Variants in GPC5 observed in about 807,000 individuals in gnomAD.
The protein encoded by GPC5 is glypican-5.
A neutral mutation model predicts 53.9 loss-of-function variants in GPC5; 47 were observed. The observed-to-expected ratio is 0.87, with a 90% CI of 0.69 to 1.11. The LOEUF is 1.11. Ranked by LOEUF, GPC5 falls within the 50% of genes most tolerant of loss-of-function variation. The pLI, the probability that GPC5 is intolerant of heterozygous loss-of-function variation, is 0.00. For synonymous variants in GPC5, 286 were observed against 263.3 expected (o/e 1.09, Z -0.84); for missense variants, 748 against 713.1 (o/e 1.05, Z -0.56).
At chr13:92,181,518 G>A (rs552861467) in intron 7 of GPC5, among the ~76,000 whole-genome samples, 1 of 152,184 alleles carries the variant, frequency 6.6e-6, no homozygotes, top group Non-Finnish European at 1.5e-5. Flanking sequence ...TCTTCAGATA[G>A]TACAATTTTG....
At chr13:92,144,591 G>A in intron 6 of GPC5, among the ~76,000 whole-genome samples, 1 of 152,120 alleles carries the variant, frequency 6.6e-6, no homozygotes, top group Middle Eastern at 3.2e-3. Flanking sequence ...GCTTCCCAAA[G>A]AATCATCCAA....
At chr13:91,464,141 C>T (rs1045737445) in intron 2 of GPC5, among the ~76,000 whole-genome samples, 6 of 152,068 alleles carry the variant, frequency 3.9e-5, no homozygotes, top group African/African-American at 1.2e-4. Context: ...TATGCAACAT[C>T]TAGCTTTCCT....
At chr13:91,597,555 G>A (rs1338909508) in intron 2 of GPC5, among the ~76,000 whole-genome samples, 1 of 152,076 alleles carries the variant, frequency 6.6e-6, no homozygotes, top group South Asian at 2.1e-4. Context: ...AGATTTTACT[G>A]CCTGCGCCAA....
At chr13:92,457,911 AACTG>A (rs1391324003) in intron 7 of GPC5, among the ~76,000 whole-genome samples, 1 of 152,140 alleles carries the variant, frequency 6.6e-6, no homozygotes, top group East Asian at 1.9e-4. Context: ...TTCCACGCAG[AACTG>A]ACTATTGCTT....
intron 7 of GPC5, among the ~76,000 whole-genome samples, chr13:92,700,770 T>G (rs1295107970): frequency 2.0e-5 from 3 of 152,090 alleles, no homozygotes; most frequent in Non-Finnish European, 2.9e-5. Flanking sequence ...TTGACAGATG[T>G]GTTTTCTTGC....
chr13:91,422,079 C>T (rs566647530), intron 1 of GPC5, among the ~76,000 whole-genome samples: 25 of 152,248 alleles, frequency 1.6e-4, no homozygotes, highest in Middle Eastern at 3.4e-3. Flanking sequence ...AGTCTCTCAG[C>T]GCTACAGAAG....
intron 6 of GPC5, among the ~76,000 whole-genome samples, chr13:91,974,546 G>A (rs1273094538): frequency 6.6e-6 from 1 of 151,920 alleles, no homozygotes; most frequent in Non-Finnish European, 1.5e-5. Flanking sequence ...AAAATACCTA[G>A]GAATCCAACT....
At chr13:91,790,706 T>C (rs1471518892) in intron 5 of GPC5, among the ~76,000 whole-genome samples, 1 of 152,240 alleles carries the variant, frequency 6.6e-6, no homozygotes, top group Non-Finnish European at 1.5e-5. Context: ...TTACTTCTCC[T>C]CAACCTAAAT....
intron 6 of GPC5, among the ~76,000 whole-genome samples, chr13:91,959,218 A>G (rs1287056038): frequency 3.3e-5 from 5 of 151,994 alleles, no homozygotes; most frequent in African/African-American, 1.2e-4. Flanking sequence ...ATGAAATGGG[A>G]AACACTTCAG....
chr13:91,849,763 A>G (rs1594615896), intron 5 of GPC5, among the ~76,000 whole-genome samples: 2 of 152,346 alleles, frequency 1.3e-5, no homozygotes, highest in Admixed American at 6.5e-5. Flanking sequence ...TTTATGCTTA[A>G]TATCATCTGT....
intron 7 of GPC5, among the ~76,000 whole-genome samples, chr13:92,415,850 C>T (rs1264102448): frequency 1.3e-5 from 2 of 151,914 alleles, no homozygotes; most frequent in Admixed American, 6.6e-5. Context: ...TGCAAATGAA[C>T]ACAGAAAAAA....
rs552141317 is a variant in GPC5, at chr13:91,722,795, A to G, written c.1021-5737A>G. 3.3e-5 allele frequency among the ~76,000 whole-genome samples: 5 copies of G among 152,338 alleles called. No individual in the cohort carries two copies. The East Asian group carries it at 5.8e-4, about 18-fold the overall frequency. ...TTCTTTACTCTTTGCTAACCATAGC[A>G]TAAACATACCTCTAATTCTTGCCAA... On this transcript the variant is annotated intron_variant, in intron 3 of 7. Transcript: ENST00000377067.
At chr13:91,516,783 C>A (rs1350285266) in intron 2 of GPC5, among the ~76,000 whole-genome samples, 1 of 152,198 alleles carries the variant, frequency 6.6e-6, no homozygotes, top group South Asian at 2.1e-4. Flanking sequence ...GGCAGCCAGG[C>A]AGTTCCATAC....
chr13:91,739,683 A>T (rs1471535496), intron 4 of GPC5, among the ~76,000 whole-genome samples: 2 of 151,308 alleles, frequency 1.3e-5, no homozygotes, highest in African/African-American at 2.5e-5. Flanking sequence ...CATTGCGGCT[A>T]ACTTCCCTCA....
At chr13:91,926,862 A>G (rs2039774336) in intron 6 of GPC5, among the ~76,000 whole-genome samples, 1 of 152,202 alleles carries the variant, frequency 6.6e-6, no homozygotes, top group African/African-American at 2.4e-5. Context: ...GTACAAAAGT[A>G]CTATTTGAAC....
At chr13:92,669,167 G>T (rs1379806191) in intron 7 of GPC5, among the ~76,000 whole-genome samples, 1 of 152,060 alleles carries the variant, frequency 6.6e-6, no homozygotes, top group African/African-American at 2.4e-5. Context: ...TTGTATATAT[G>T]CAGGGGTTTC....
At chr13:91,574,049 T>C (rs1277604931) in intron 2 of GPC5, among the ~76,000 whole-genome samples, 2 of 152,198 alleles carry the variant, frequency 1.3e-5, no homozygotes, top group East Asian at 3.8e-4. Flanking sequence ...TCACCAAGGG[T>C]AATTATTTAC....
At chr13:92,628,199 T>C (rs1885107482) in intron 7 of GPC5, among the ~76,000 whole-genome samples, 1 of 151,530 alleles carries the variant, frequency 6.6e-6, no homozygotes, top group African/African-American at 2.4e-5. Flanking sequence ...AGAAACTATA[T>C]ATCAGGTCTT....
chr13:91,763,660 G>A (rs1323173567), intron 5 of GPC5, among the ~76,000 whole-genome samples: 1 of 152,142 alleles, frequency 6.6e-6, no homozygotes, highest in Non-Finnish European at 1.5e-5. Context: ...AAATAAATTT[G>A]CAGGATTCTT....
Sources: allele counts gnomAD v4.1 joint callset (sites outside exome capture counted in the v4.1 genomes callset), GRCh38; gene constraint gnomAD v4.1.1; transcripts MANE v1.5; gene names NCBI Gene and HGNC (gene_info 2026-07-23, HGNC 2026-07-21).